SH3GL1: variants seen among roughly 807,000 people sequenced by gnomAD.
The protein encoded by SH3GL1 is endophilin-A2.
A neutral mutation model predicts 48.8 loss-of-function variants in SH3GL1; 21 were observed. The observed-to-expected ratio is 0.43, with a 90% CI of 0.30 to 0.62. The LOEUF (loss-of-function observed/expected upper bound fraction) is 0.62. SH3GL1 is among the 20% of genes least tolerant of loss of function. SH3GL1 has a pLI of 0.11. For missense variants in SH3GL1, 454 were observed against 503.0 expected (o/e 0.90, Z 0.93); for synonymous variants, 282 against 217.5 (o/e 1.30, Z -2.61).
At position 4,363,886 on chromosome 19, in the gene SH3GL1, CGTG is replaced by C. The variant is rs777934155; in HGVS notation, c.466-11_466-9del. On this transcript the variant is annotated splice_polypyrimidine_tract_variant and intron_variant, in intron 5 of 9. Coordinates refer to ENST00000269886, the MANE Select transcript of SH3GL1 (RefSeq NM_003025.4). ...CAGTTTCTTCAGGTGGTGCTGGAGACGTGGGGGACATGGGTCACACCAGTAGCG... is the reference window on the plus strand; with the variant it reads ...CAGTTTCTTCAGGTGGTGCTGGAGACGGGGACATGGGTCACACCAGTAGCG... The C allele has an allele frequency of 1.7e-5, 28 of 1,611,868 alleles. No individual in the cohort carries two copies. Among genetic ancestry groups the C allele is most frequent in the Admixed American group, 6.7e-5 (4 of 60,014 alleles).
intron 8 of SH3GL1, 30 bp downstream of exon 8, chr19:4,362,582 C>CCA: frequency 1.2e-6 from 2 of 1,612,352 alleles, no homozygotes; most frequent in Non-Finnish European, 1.7e-6. Context: ...CTGGCATTTG[C>CCA]CTCCGCAAGA....
chr19:4,366,719 C>T, intron 2 of SH3GL1, 146 bp from the exon 3 acceptor site: 4 of 949,298 alleles, frequency 4.2e-6, no homozygotes, highest in South Asian at 1.3e-5. Context: ...AGCCATGTCC[C>T]CACAGCTGCC....
chr19:4,376,111 G>A lies in SH3GL1; in HGVS notation c.46-9117C>T, dbSNP rs1484996955. The stretch of plus-strand genomic sequence containing the variant: ...GGTGCACAGATCTCAACGAGGGGCC[G>A]TGAGTTCCCTCACTCCCTGAGAGCT... On this transcript the variant is annotated intron_variant, in intron 1 of 9. Transcript: ENST00000269886. The surrounding 1 kb of genome is among the most constrained non-coding windows in gnomAD (Gnocchi z 4.3). Among the ~76,000 whole-genome samples, 5 of 152,230 alleles carry A rather than the reference G, an allele frequency of 3.3e-5. No individual in the cohort carries two copies. The highest frequency in any genetic ancestry group is 7.2e-5 in the African/African-American group (3 of 41,452).
chr19:4,394,313 G>C (rs73234), intron 1 of SH3GL1, among the ~76,000 whole-genome samples: 82,237 of 151,808 alleles, frequency 0.54, 22,700 homozygotes, highest in Admixed American at 0.71. Flanking sequence ...TCTCGCTAGC[G>C]GCATTCTTTC....
intron 1 of SH3GL1, chr19:4,380,286 A>G (rs1464688987): frequency 6.6e-6 from 1 of 152,442 alleles, no homozygotes; most frequent in African/African-American, 2.4e-5. Flanking sequence ...TGTGCCAGGT[A>G]CAGTGGAAAA....
In SH3GL1 at chr19:4,400,385, G is replaced by A. The variant is rs1035861193; in HGVS notation, c.-17C>T. ...CACCGACATGCTGCCGCCCGCCGCCGAGCCTCCCGCCCGGACCGCGCCAGC... is the reference window on the plus strand; with the variant it reads ...CACCGACATGCTGCCGCCCGCCGCCAAGCCTCCCGCCCGGACCGCGCCAGC... On this transcript the variant is annotated 5_prime_UTR_variant, in exon 1 of 10. Transcript: ENST00000269886. The surrounding 1 kb of genome is among the most constrained non-coding windows in gnomAD (Gnocchi z 4.1). 3.2e-6 allele frequency: 5 copies of A among 1,583,896 alleles called. No individual in the cohort carries two copies. The highest frequency in any genetic ancestry group is 2.4e-5 in the East Asian group (1 of 41,508).
chr19:4,366,073 TCCTA>T (rs1972771412), intron 3 of SH3GL1, among the ~76,000 whole-genome samples: 1 of 152,122 alleles, frequency 6.6e-6, no homozygotes, highest in East Asian at 1.9e-4. Context: ...GTCCGTGGCC[TCCTA>T]TGGAGCCAGC....
chr19:4,361,780 C>T lies in SH3GL1; in HGVS notation c.927G>A (p.Pro309=), dbSNP rs756923164. ...PSRSMPPLDQ[P]SCKALYDFEP... is the part of the protein sequence containing the mutation. ...CGAAGTCGTACAGCGCCTTGCAGCT[C>T]GGCTGGTCCAGGGGCGCTGGGGGCG... is the stretch of plus-strand genomic sequence containing the variant. Residue 309 remains proline, a synonymous_variant, in exon 10 of 10, where the codon CCG becomes CCA. Transcript: ENST00000269886. The T allele has an allele frequency of 1.4e-5, 23 of 1,609,370 alleles. No individual in the cohort carries two copies. Among genetic ancestry groups the T allele is most frequent in the South Asian group, 2.2e-5 (2 of 91,064 alleles).
At chr19:4,366,423 T>C (rs1972780517) in intron 3 of SH3GL1, 78 bp downstream of exon 3, 3 of 1,166,792 alleles carry the variant, frequency 2.6e-6, no homozygotes, top group Non-Finnish European at 2.5e-6. Context: ...GCCTGGCGGT[T>C]CTGTCATCCC....
In SH3GL1 at chr19:4,364,909, TATATATA is replaced by T. The variant is rs1240661020; in HGVS notation, c.331+566_331+572del. Among the ~76,000 whole-genome samples the T allele has an allele frequency of 1.2e-4, 16 of 137,598 alleles. No individual in the cohort carries two copies. In the East Asian group the frequency reaches 1.5e-3, roughly 13 times the overall value. The allele number at this position is 137,598 out of a possible 152,430, so 90.3% of individuals were successfully genotyped here. On this transcript the variant is annotated intron_variant, in intron 4 of 9. Coordinates refer to ENST00000269886, the MANE Select transcript of SH3GL1 (RefSeq NM_003025.4). ...GTGTGTGTGTGTGTGTATATATATA[TATATATA>T]TTTTTTTTTTTTTAGTAGAAGCGGG...
Position 4,360,769 on chromosome 19 carries a change from G to A in SH3GL1, c.*831C>T. 4.3e-6 allele frequency: 1 copy of A among 233,734 alleles called. No individual in the cohort carries two copies. The allele number at this position is 233,734 out of a possible 1,614,324, so 14.5% of individuals were successfully genotyped here. ...GAACCTTTGTGCTTGGCCCTCGGCA[G>A]CGCGGCTGTGGTCCCGTGTGAGGTG... On this transcript the variant is annotated 3_prime_UTR_variant, in exon 10 of 10. Transcript: ENST00000269886.
rs546801076 is a variant in SH3GL1 at position 4,361,335 on chromosome 19, G to C, written c.*265C>G. On this transcript the variant is annotated 3_prime_UTR_variant, in exon 10 of 10. Transcript: ENST00000269886. ...GCTGGGCGAGAAGTTGGGGAGCGGG[G>C]GAGGAGGCTGGCGCCATGGAGTGGG... 2 of 515,130 alleles carry C rather than the reference G, an allele frequency of 3.9e-6. No individual in the cohort carries two copies. Among genetic ancestry groups the C allele is most frequent in the Non-Finnish European group, 6.9e-6 (2 of 290,038 alleles). 31.9% of individuals were successfully genotyped at this position (515,130 alleles called of 1,614,324 possible).
chr19:4,365,023 G>A (rs1257569988), intron 4 of SH3GL1, among the ~76,000 whole-genome samples: 1 of 151,580 alleles, frequency 6.6e-6, no homozygotes, highest in Non-Finnish European at 1.5e-5. Context: ...CCAAAGTGTT[G>A]GGATTACAGG....
At chr19:4,398,275 AT>A (rs1246787123) in intron 1 of SH3GL1, among the ~76,000 whole-genome samples, 5 of 151,958 alleles carry the variant, frequency 3.3e-5, no homozygotes. Context: ...TGGCCCAAGC[AT>A]TTGCTAAGAT....
chr19:4,394,953 T>C (rs1973399574), intron 1 of SH3GL1, among the ~76,000 whole-genome samples: 1 of 152,250 alleles, frequency 6.6e-6, no homozygotes, highest in South Asian at 2.1e-4. Context: ...ATAACAACTG[T>C]CTCCGACATT....
rs1451184015 is a variant in SH3GL1, at chr19:4,376,974, A to C, written c.46-9980T>G. Reference sequence around the variant, plus strand: ...CCGGGGGCAGCAACTCCCCGCAGTGACCCGGAAGGCAGCCAGATGATACTC... The same window carrying C: ...CCGGGGGCAGCAACTCCCCGCAGTGCCCCGGAAGGCAGCCAGATGATACTC... On this transcript the variant is annotated intron_variant, in intron 1 of 9. Coordinates refer to ENST00000269886, the MANE Select transcript of SH3GL1 (RefSeq NM_003025.4). The surrounding 1 kb of genome is among the most constrained non-coding windows in gnomAD (Gnocchi z 4.3). Among the ~76,000 whole-genome samples the C allele has an allele frequency of 6.6e-6, 1 of 152,102 alleles. No homozygotes were observed. Among genetic ancestry groups the C allele is most frequent in the Non-Finnish European group, 1.5e-5 (1 of 68,024 alleles).
At chr19:4,365,813 G>A (rs1376958759) in intron 3 of SH3GL1, among the ~76,000 whole-genome samples, 188 bp from the exon 4 acceptor site, 1 of 152,226 alleles carries the variant, frequency 6.6e-6, no homozygotes, top group Non-Finnish European at 1.5e-5. Context: ...GGAGCTGGCA[G>A]CGGGTGGAGA....
chr19:4,366,760 G>A lies in SH3GL1; in HGVS notation c.114+166C>T, dbSNP rs149462195. Among the ~76,000 whole-genome samples, 565 of 151,960 alleles carry A rather than the reference G, an allele frequency of 3.7e-3. 7 individuals carry two copies. The highest frequency in any genetic ancestry group is 0.013 in the African/African-American group (530 of 41,418). Reference sequence around the variant, plus strand: ...ACGGCAGGGGAGAGAGCTGGTGCCCGTCAAGTCCAGCTGACGAGGCCCCCA... The same window carrying A: ...ACGGCAGGGGAGAGAGCTGGTGCCCATCAAGTCCAGCTGACGAGGCCCCCA... On this transcript the variant is annotated intron_variant, in intron 2 of 9. Transcript: ENST00000269886.
chr19:4,364,866 T>TTTTGTGTG (rs1972729538), intron 4 of SH3GL1, among the ~76,000 whole-genome samples: 1 of 97,168 alleles, frequency 1.0e-5, no homozygotes, highest in African/African-American at 5.3e-5. Context: ...ACCCGGCTAA[T>TTTTGTGTG]TGTGTGTGTG....
Sources: allele counts gnomAD v4.1 joint callset (sites outside exome capture counted in the v4.1 genomes callset), GRCh38; gene constraint gnomAD v4.1.1; non-coding constraint Gnocchi (gnomAD v3.1); transcripts MANE v1.5; gene names NCBI Gene and HGNC (gene_info 2026-07-23, HGNC 2026-07-21).